KCNAB1: variants seen among roughly 807,000 people sequenced by gnomAD.
KCNAB1 encodes the protein voltage-gated potassium channel subunit beta-1.
Under a neutral mutation model 64.6 loss-of-function variants are expected in KCNAB1, and 35 were observed. That is an observed-to-expected ratio of 0.54 (90% CI 0.41 to 0.72). KCNAB1 has a LOEUF of 0.72. Among genes scored for constraint, KCNAB1 ranks in the 30% least tolerant of loss-of-function variants. The pLI, the probability that KCNAB1 is intolerant of heterozygous loss-of-function variation, is 0.00. For synonymous variants in KCNAB1, 177 were observed against 183.8 expected, an observed-to-expected ratio of 0.96 and a Z score of 0.30; for missense variants, 401 against 512.9, an observed-to-expected ratio of 0.78 and a Z score of 2.11.
chr3:156,291,790 A>G (rs1457154168), intron 1 of KCNAB1: 2 of 1,532,514 alleles, frequency 1.3e-6, no homozygotes, highest in African/African-American at 1.4e-5. Flanking sequence ...CGGCATCCCC[A>G]GGAAGGGGGA....
intron 1 of KCNAB1, among the ~76,000 whole-genome samples, chr3:156,160,694 T>C (rs1375923572): frequency 6.6e-6 from 1 of 152,160 alleles, no homozygotes; most frequent in Non-Finnish European, 1.5e-5. Flanking sequence ...GTGAGAGAGC[T>C]TGAAGATGAG....
intron 1 of KCNAB1, among the ~76,000 whole-genome samples, chr3:156,359,010 A>G (rs1245229656): frequency 6.6e-6 from 1 of 152,220 alleles, no homozygotes; most frequent in Middle Eastern, 3.2e-3. Context: ...AATGTCTTTT[A>G]TAATTTGGCA....
chr3:156,282,088 C>A (rs1351805742), intron 1 of KCNAB1, among the ~76,000 whole-genome samples: 3 of 149,826 alleles, frequency 2.0e-5, no homozygotes, highest in African/African-American at 7.5e-5. Flanking sequence ...TTCCTGCTTT[C>A]TCTTGTGGGC....
At chr3:156,172,600 A>T (rs55641054) in intron 1 of KCNAB1, among the ~76,000 whole-genome samples, 5,390 of 152,282 alleles carry the variant, frequency 0.035, 99 homozygotes, top group Non-Finnish European at 0.044. Flanking sequence ...ATTTTAAAAA[A>T]GGGAATGAGG....
chr3:156,460,031 T>A (rs1712779804), intron 5 of KCNAB1, among the ~76,000 whole-genome samples, 160 bp downstream of exon 5: 1 of 152,290 alleles, frequency 6.6e-6, no homozygotes, highest in African/African-American at 2.4e-5. Flanking sequence ...TGCCGGCAAG[T>A]TCACTTCTGG....
At chr3:156,501,045 C>T (rs1016728922) in intron 8 of KCNAB1, among the ~76,000 whole-genome samples, 12 of 152,166 alleles carry the variant, frequency 7.9e-5, no homozygotes, top group Non-Finnish European at 7.3e-5. Flanking sequence ...TACTAGAGGC[C>T]GCTGTCATTG....
intron 1 of KCNAB1, among the ~76,000 whole-genome samples, chr3:156,258,077 G>T (rs1356805941): frequency 1.3e-5 from 2 of 152,166 alleles, no homozygotes; most frequent in Non-Finnish European, 2.9e-5. Context: ...ACAGAAGAAA[G>T]AGAGTCTCTC....
intron 8 of KCNAB1, among the ~76,000 whole-genome samples, chr3:156,498,720 T>C (rs960771855): frequency 2.0e-5 from 3 of 152,212 alleles, no homozygotes; most frequent in Non-Finnish European, 2.9e-5. Context: ...TTGGTTCAGT[T>C]TACACAATTC....
intron 1 of KCNAB1, among the ~76,000 whole-genome samples, chr3:156,251,521 A>G (rs1717828026): frequency 6.6e-6 from 1 of 152,130 alleles, no homozygotes; most frequent in South Asian, 2.1e-4. Flanking sequence ...ACACGGAAAC[A>G]TATTTACCCC....
At chr3:156,340,827 C>T (rs1724056800) in intron 1 of KCNAB1, among the ~76,000 whole-genome samples, 1 of 151,822 alleles carries the variant, frequency 6.6e-6, no homozygotes, top group Non-Finnish European at 1.5e-5. Flanking sequence ...TCTTTATTGG[C>T]TATCTTTGTT....
intron 1 of KCNAB1, among the ~76,000 whole-genome samples, chr3:156,240,385 C>T (rs1717091723): frequency 6.6e-6 from 1 of 151,854 alleles, no homozygotes; most frequent in Admixed American, 6.6e-5. Context: ...AGTAGTAATG[C>T]TATTAAAATA....
intron 11 of KCNAB1, among the ~76,000 whole-genome samples, chr3:156,517,164 T>G (rs1202200120): frequency 6.6e-6 from 1 of 152,230 alleles, no homozygotes; most frequent in Non-Finnish European, 1.5e-5. Context: ...AGAGGAAGTA[T>G]AAGCCTGACA....
intron 1 of KCNAB1, among the ~76,000 whole-genome samples, chr3:156,255,006 C>G (rs1439660748): frequency 6.6e-6 from 1 of 152,194 alleles, no homozygotes; most frequent in Admixed American, 6.5e-5. Context: ...AGCAGGCTCC[C>G]TCTCTTTTCC....
chr3:156,219,192 T>TA (rs1346198086), intron 1 of KCNAB1, among the ~76,000 whole-genome samples: 1 of 151,522 alleles, frequency 6.6e-6, no homozygotes, highest in African/African-American at 2.4e-5. Context: ...AAGTCCAACT[T>TA]AAAAAAAATC....
At chr3:156,426,076 G>C (rs1375637780) in intron 2 of KCNAB1, among the ~76,000 whole-genome samples, 1 of 152,164 alleles carries the variant, frequency 6.6e-6, no homozygotes, top group Non-Finnish European at 1.5e-5. Flanking sequence ...AAATGAGCCT[G>C]GAAAGAAAGC....
chr3:156,215,681 G>A (rs1715272370), intron 1 of KCNAB1: 1 of 152,262 alleles, frequency 6.6e-6, no homozygotes, highest in African/African-American at 2.4e-5. Context: ...ACCCTGAGGT[G>A]AGAAAATGCA....
At chr3:156,239,039 A>G (rs1166078837) in intron 1 of KCNAB1, among the ~76,000 whole-genome samples, 1 of 152,226 alleles carries the variant, frequency 6.6e-6, no homozygotes, top group Non-Finnish European at 1.5e-5. Flanking sequence ...GACAATTGAG[A>G]AACAAGTATT....
intron 1 of KCNAB1, among the ~76,000 whole-genome samples, chr3:156,351,471 T>C (rs760590439): frequency 6.6e-6 from 1 of 152,256 alleles, no homozygotes; most frequent in Non-Finnish European, 1.5e-5. Context: ...CCAGTTCCTC[T>C]AATTTAGTGC....
chr3:156,518,646 T>C (rs762263609), intron 11 of KCNAB1, among the ~76,000 whole-genome samples: 10 of 152,228 alleles, frequency 6.6e-5, no homozygotes, highest in Non-Finnish European at 1.2e-4. Flanking sequence ...ATATTTTGCA[T>C]CTGTTGTAGT....
Sources: gnomAD v4.1 joint callset for allele counts (sites outside exome capture counted in the v4.1 genomes callset) on GRCh38, gnomAD v4.1.1 for gene constraint, MANE v1.5 for transcripts, NCBI Gene and HGNC (gene_info 2026-07-23, HGNC 2026-07-21) for gene names.